The following UMAD1 variants were observed in gnomAD, a reference collection of about 807,000 sequenced individuals.
UMAD1 encodes UBAP1-MVB12-associated (UMA)-domain containing protein 1.
UMAD1 carries 8 observed loss-of-function variants against 6.1 expected under a neutral mutation model. The observed-to-expected ratio is 1.30, with a 90% CI of 0.76 to 2.35. UMAD1 has a LOEUF of 2.35. Among genes scored for constraint, UMAD1 ranks in the 30% most tolerant of loss-of-function variants. The pLI is 0.00. For synonymous variants in UMAD1, 56 were observed against 31.4 expected (o/e 1.78, Z -2.61); for missense variants, 130 against 78.4 (o/e 1.66, Z -2.49).
intron 2 of UMAD1, among the ~76,000 whole-genome samples, chr7:7,758,266 G>C (rs1781818629): frequency 6.6e-6 from 1 of 151,740 alleles, no homozygotes; most frequent in Admixed American, 6.6e-5. Flanking sequence ...AGTCGTCTTT[G>C]CTTTCCCTTT....
chr7:7,832,470 A>T (rs1386644339), intron 3 of UMAD1, among the ~76,000 whole-genome samples: 1 of 152,154 alleles, frequency 6.6e-6, no homozygotes, highest in African/African-American at 2.4e-5. Flanking sequence ...GGTGCTTTTA[A>T]TCACTACAAT....
In UMAD1 at chr7:7,859,697, A is replaced by T. The variant is rs571597990; in HGVS notation, c.157-17584A>T. Among the ~76,000 whole-genome samples the T allele has an allele frequency of 1.3e-3, 197 of 152,300 alleles. 2 individuals are homozygous for T. Among genetic ancestry groups the T allele is most frequent in the Middle Eastern group, 3.4e-3 (1 of 294 alleles). ...GAGACTTGAGACCAGTGCTCTTTCT[A>T]CTAAGTCTTGCAGATTAATTTTCAA... On this transcript the variant is annotated intron_variant, in intron 3 of 3. Transcript: ENST00000682710.
Position 7,858,181 on chromosome 7 carries a change from G to A in UMAD1, c.157-19100G>A, listed in dbSNP as rs754448369. ...TGCTCATTCAGTGTGAACTGATAAC[G>A]GTGGTAGTAGAAATAGGCACACTAT... On this transcript the variant is annotated intron_variant, in intron 3 of 3. Coordinates refer to ENST00000682710, the MANE Select transcript of UMAD1 (RefSeq NM_001302348.2). Among the ~76,000 whole-genome samples, 6 of 152,162 alleles carry A rather than the reference G, an allele frequency of 3.9e-5. No individual in the cohort carries two copies. In the South Asian group the frequency reaches 8.3e-4, roughly 21 times the overall value.
intron 2 of UMAD1, among the ~76,000 whole-genome samples, chr7:7,796,462 G>A (rs1782683506): frequency 6.6e-6 from 1 of 151,828 alleles, no homozygotes; most frequent in African/African-American, 2.4e-5. Flanking sequence ...TGTTGGACAG[G>A]CTGGTTTCGA....
intron 3 of UMAD1, among the ~76,000 whole-genome samples, chr7:7,817,560 G>A (rs1783155478): frequency 6.6e-6 from 1 of 152,098 alleles, no homozygotes. Context: ...TAGTTTTTCA[G>A]GTTATGTTTA....
chr7:7,814,045 G>A (rs570969508), intron 3 of UMAD1, among the ~76,000 whole-genome samples: 9 of 151,962 alleles, frequency 5.9e-5, no homozygotes, highest in African/African-American at 1.2e-4. Context: ...GCACAGTGGC[G>A]TGATCTCGGC....
chr7:7,806,162 A>G (rs759316425), intron 3 of UMAD1, among the ~76,000 whole-genome samples: 9 of 152,124 alleles, frequency 5.9e-5, no homozygotes, highest in African/African-American at 1.7e-4. Context: ...TCCTACACCA[A>G]CTAGGTCCTC....
chr7:7,702,037 A>G (rs1780475746), intron 2 of UMAD1, among the ~76,000 whole-genome samples: 1 of 152,236 alleles, frequency 6.6e-6, no homozygotes, highest in Non-Finnish European at 1.5e-5. Flanking sequence ...AAATTCAGAT[A>G]GAGAAGGTAT....
intron 2 of UMAD1, among the ~76,000 whole-genome samples, chr7:7,697,769 C>G (rs1203199692): frequency 6.6e-6 from 1 of 151,930 alleles, no homozygotes; most frequent in African/African-American, 2.4e-5. Context: ...TGTATTTTTT[C>G]CTTGTCATTA....
chr7:7,832,878 G>A (rs1338195252), intron 3 of UMAD1, among the ~76,000 whole-genome samples: 6 of 152,136 alleles, frequency 3.9e-5, no homozygotes, highest in Non-Finnish European at 8.8e-5. Flanking sequence ...AAGCTTCTTC[G>A]TAGTTGCATT....
At chr7:7,690,101 T>C (rs1222819223) in intron 2 of UMAD1, among the ~76,000 whole-genome samples, 1 of 152,212 alleles carries the variant, frequency 6.6e-6, no homozygotes, top group African/African-American at 2.4e-5. Flanking sequence ...CAGGAACGTA[T>C]TACTGATATT....
chr7:7,855,200 A>G (rs1490712171), intron 3 of UMAD1, among the ~76,000 whole-genome samples: 1 of 152,130 alleles, frequency 6.6e-6, no homozygotes, highest in African/African-American at 2.4e-5. Flanking sequence ...TGAATCTACC[A>G]TTTTGGGGTC....
intron 2 of UMAD1, among the ~76,000 whole-genome samples, chr7:7,694,647 C>T (rs1780264616): frequency 6.6e-6 from 1 of 151,736 alleles, no homozygotes; most frequent in Non-Finnish European, 1.5e-5. Context: ...AAGTTTATCT[C>T]TCTCTGCCTG....
At chr7:7,846,429 C>G (rs1783783334) in intron 3 of UMAD1, among the ~76,000 whole-genome samples, 1 of 152,034 alleles carries the variant, frequency 6.6e-6, no homozygotes, top group Non-Finnish European at 1.5e-5. Context: ...GTAATTATTA[C>G]CTGCAAGAGA....
At chr7:7,760,387 T>C (rs1031611606) in intron 2 of UMAD1, among the ~76,000 whole-genome samples, 2 of 148,448 alleles carry the variant, frequency 1.3e-5, no homozygotes, top group Non-Finnish European at 3.0e-5. Flanking sequence ...AAACCCTGTC[T>C]CTACTAAAAA....
chr7:7,701,392 CTA>C (rs67915012), intron 2 of UMAD1, among the ~76,000 whole-genome samples: 5,773 of 152,218 alleles, frequency 0.038, 330 homozygotes, highest in African/African-American at 0.13. Context: ...TACAGACAAT[CTA>C]TGTGACATTT....
intron 3 of UMAD1, among the ~76,000 whole-genome samples, chr7:7,850,297 C>G (rs56149970): frequency 0.46 from 69,392 of 151,794 alleles, 16,811 homozygotes; most frequent in African/African-American, 0.62. Flanking sequence ...TTCTTTCAAA[C>G]ATATTTAATA....
intron 1 of UMAD1, among the ~76,000 whole-genome samples, chr7:7,659,176 C>T (rs1023144816): frequency 4.6e-5 from 7 of 151,974 alleles, no homozygotes; most frequent in African/African-American, 1.7e-4. Context: ...TTTATTGCAT[C>T]TATTTGATTC....
intron 2 of UMAD1, among the ~76,000 whole-genome samples, chr7:7,761,663 G>T (rs1308620296): frequency 6.6e-6 from 1 of 152,104 alleles, no homozygotes; most frequent in East Asian, 1.9e-4. Context: ...ACTTATTATT[G>T]GGGAATAGAT....
Sources: allele counts gnomAD v4.1 joint callset (sites outside exome capture counted in the v4.1 genomes callset), GRCh38; gene constraint gnomAD v4.1.1; transcripts MANE v1.5; gene names NCBI Gene and HGNC (gene_info 2026-07-23, HGNC 2026-07-21).